PLCXD3: variants seen among roughly 807,000 people sequenced by gnomAD.
The protein encoded by PLCXD3 is phosphatidylinositol specific phospholipase C X domain containing 3, also known as PI-PLC X domain-containing protein 3.
A neutral mutation model predicts 25.5 loss-of-function variants in PLCXD3; 19 were observed. The observed-to-expected ratio is 0.75, with a 90% CI of 0.52 to 1.09. The LOEUF is 1.09. Among genes scored for constraint, PLCXD3 ranks in the 50% least tolerant of loss-of-function variants. The probability of loss-of-function intolerance (pLI) is 0.00; values close to 1 mark genes in which losing one functional copy is unlikely to be tolerated. For missense variants in PLCXD3, 411 were observed against 388.1 expected, an observed-to-expected ratio of 1.06 and a Z score of -0.50; for synonymous variants, 174 against 137.6, an observed-to-expected ratio of 1.26 and a Z score of -1.85.
intron 2 of PLCXD3, among the ~76,000 whole-genome samples, chr5:41,338,375 CT>C: frequency 6.6e-6 from 1 of 152,090 alleles, no homozygotes; most frequent in Non-Finnish European, 1.5e-5. Flanking sequence ...ATTTATTTCC[CT>C]TTTTTTAAGT....
At chr5:41,329,489 G>A (rs981376217) in intron 2 of PLCXD3, among the ~76,000 whole-genome samples, 1 of 152,146 alleles carries the variant, frequency 6.6e-6, no homozygotes, top group Non-Finnish European at 1.5e-5. Context: ...AGAAGTATAT[G>A]CAGTAACATA....
At chr5:41,386,921 T>C (rs1389393181) in intron 1 of PLCXD3, among the ~76,000 whole-genome samples, 1 of 151,660 alleles carries the variant, frequency 6.6e-6, no homozygotes, top group Non-Finnish European at 1.5e-5. Context: ...TCCATAAGCA[T>C]CATAAAGCCC....
intron 2 of PLCXD3, among the ~76,000 whole-genome samples, chr5:41,378,925 T>C (rs1745373852): frequency 6.6e-6 from 1 of 152,096 alleles, no homozygotes; most frequent in South Asian, 2.1e-4. Flanking sequence ...AAATCATTTA[T>C]CCTTGAGTAA....
chr5:41,364,375 G>T (rs1256934603), intron 2 of PLCXD3, among the ~76,000 whole-genome samples: 1 of 152,176 alleles, frequency 6.6e-6, no homozygotes, highest in Non-Finnish European at 1.5e-5. Context: ...AAAAGTGAGT[G>T]CATGTATTTT....
chr5:41,335,012 A>G (rs1388050271), intron 2 of PLCXD3, among the ~76,000 whole-genome samples: 5 of 152,216 alleles, frequency 3.3e-5, no homozygotes, highest in African/African-American at 4.8e-5. Flanking sequence ...TTCGATTGCC[A>G]GGAAACAGAC....
intron 1 of PLCXD3, among the ~76,000 whole-genome samples, chr5:41,491,521 G>A (rs116349079): frequency 0.11 from 17,085 of 152,122 alleles, 1,412 homozygotes; most frequent in African/African-American, 0.23. Context: ...TCTGTCTAAC[G>A]TCGACAGTGG....
At chr5:41,487,952 A>T (rs1230871016) in intron 1 of PLCXD3, among the ~76,000 whole-genome samples, 1 of 151,824 alleles carries the variant, frequency 6.6e-6, no homozygotes, top group African/African-American at 2.4e-5. Flanking sequence ...GTTTTAGGGT[A>T]CATGTGCACA....
intron 2 of PLCXD3, among the ~76,000 whole-genome samples, chr5:41,348,950 A>C (rs1744377629): frequency 6.6e-6 from 1 of 152,222 alleles, no homozygotes; most frequent in African/African-American, 2.4e-5. Flanking sequence ...AATAATAACC[A>C]CACATCCATG....
chr5:41,389,235 C>A (rs1400861935), intron 1 of PLCXD3, among the ~76,000 whole-genome samples: 1 of 152,032 alleles, frequency 6.6e-6, no homozygotes, highest in Non-Finnish European at 1.5e-5. Flanking sequence ...TACTGAAAAA[C>A]TTCAGCCCTC....
At position 41,485,454 on chromosome 5, in the gene PLCXD3, T is replaced by C. The variant is rs150923966; in HGVS notation, c.103+24970A>G. The stretch of plus-strand genomic sequence containing the variant: ...TTCTTTGGTTGCTTTAATTTAGAAC[T>C]CCAGAGACCCCCTCCTTCATGTATT... On this transcript the variant is annotated intron_variant, in intron 1 of 2. Transcript: ENST00000377801. 5.6e-3 allele frequency among the ~76,000 whole-genome samples: 847 copies of C among 152,252 alleles called. 14 individuals carry two copies. Among genetic ancestry groups the C allele is most frequent in the Non-Finnish European group, 4.9e-3 (335 of 68,010 alleles).
At chr5:41,339,404 G>A (rs1163939911) in intron 2 of PLCXD3, among the ~76,000 whole-genome samples, 1 of 152,064 alleles carries the variant, frequency 6.6e-6, no homozygotes, top group Non-Finnish European at 1.5e-5. Flanking sequence ...GTCTCTTCTG[G>A]CTGGCTTTAG....
chr5:41,353,731 G>C (rs1744539345), intron 2 of PLCXD3, among the ~76,000 whole-genome samples: 1 of 152,108 alleles, frequency 6.6e-6, no homozygotes, highest in South Asian at 2.1e-4. Context: ...CACTCACTGG[G>C]GAAGCAATAG....
At chr5:41,315,892 C>T (rs766970754) in intron 2 of PLCXD3, among the ~76,000 whole-genome samples, 1 of 152,214 alleles carries the variant, frequency 6.6e-6, no homozygotes, top group Non-Finnish European at 1.5e-5. Context: ...CAGATCCCAG[C>T]AGTCAGAACT....
In PLCXD3 at chr5:41,311,315, A is replaced by C. The variant is rs1420295665; in HGVS notation, c.*2302T>G. 1 of 152,174 alleles carries C rather than the reference A, an allele frequency of 6.6e-6. No individual in the cohort carries two copies. The highest frequency in any genetic ancestry group is 1.5e-5 in the Non-Finnish European group (1 of 68,010). The allele number at this position is 152,174 out of a possible 1,614,324, so 9.4% of individuals were successfully genotyped here. A position where few individuals can be genotyped will look rare whatever the true frequency, so the allele number is the denominator to read the frequency against. On this transcript the variant is annotated 3_prime_UTR_variant, in exon 3 of 3. Transcript: ENST00000377801. ...AGAAAGATAATAAAACTACAAGGGA[A>C]GGGAAAATGGAAAGAAGAGAAGAAA...
chr5:41,430,568 G>A (rs184739447), intron 1 of PLCXD3, among the ~76,000 whole-genome samples: 122 of 152,166 alleles, frequency 8.0e-4, no homozygotes, highest in Admixed American at 1.4e-3. Flanking sequence ...TTGGAGTTTC[G>A]CTTGCCTCTC....
chr5:41,450,445 A>G (rs1747602955), intron 1 of PLCXD3, among the ~76,000 whole-genome samples: 1 of 152,136 alleles, frequency 6.6e-6, no homozygotes, highest in African/African-American at 2.4e-5. Context: ...CTATTCATCA[A>G]TAGTTTAAGG....
Position 41,468,020 on chromosome 5 carries a change from T to C in PLCXD3, c.103+42404A>G, listed in dbSNP as rs1748065135. Reference sequence around the variant, plus strand: ...CTACCAGCTTTATTCTTTTTTTTTTTTTTTTTTTTTTTTTTTTTGACAGAG... The same window carrying C: ...CTACCAGCTTTATTCTTTTTTTTTTCTTTTTTTTTTTTTTTTTTGACAGAG... On this transcript the variant is annotated intron_variant, in intron 1 of 2. Coordinates refer to ENST00000377801, the MANE Select transcript of PLCXD3 (RefSeq NM_001005473.3). 4.4e-5 allele frequency among the ~76,000 whole-genome samples: 6 copies of C among 137,102 alleles called. No homozygotes were observed. The Admixed American group carries it at 4.4e-4, about 10-fold the overall frequency. The allele number at this position is 137,102 out of a possible 152,430, so 89.9% of individuals were successfully genotyped here.
chr5:41,461,326 T>C (rs1340370408), intron 1 of PLCXD3, among the ~76,000 whole-genome samples: 6 of 151,974 alleles, frequency 3.9e-5, no homozygotes, highest in African/African-American at 9.7e-5. Context: ...TTCTTTCTTT[T>C]TTTGGTATCC....
At chr5:41,328,641 A>C (rs1743701343) in intron 2 of PLCXD3, among the ~76,000 whole-genome samples, 1 of 152,132 alleles carries the variant, frequency 6.6e-6, no homozygotes, top group Non-Finnish European at 1.5e-5. Context: ...GTGGAAAGGC[A>C]TCTTCAAACT....
Sources: allele counts gnomAD v4.1 joint callset (sites outside exome capture counted in the v4.1 genomes callset), GRCh38; gene constraint gnomAD v4.1.1; transcripts MANE v1.5; gene names NCBI Gene and HGNC (gene_info 2026-07-23, HGNC 2026-07-21).